Variants in EML4 observed in about 807,000 individuals in gnomAD.
EML4 encodes the protein echinoderm microtubule-associated protein-like 4.
A neutral mutation model predicts 129.0 loss-of-function variants in EML4; 72 were observed. The observed-to-expected ratio is 0.56, with a 90% CI of 0.46 to 0.68. The LOEUF (loss-of-function observed/expected upper bound fraction) is 0.68. EML4 is among the 30% of genes least tolerant of loss of function. The pLI is 0.00. For missense variants in EML4, 1,363 were observed against 1,190.6 expected (o/e 1.14, Z -2.13); for synonymous variants, 532 against 405.0 (o/e 1.31, Z -3.77).
intron 1 of EML4, among the ~76,000 whole-genome samples, chr2:42,188,375 C>A (rs1671386650): frequency 6.6e-6 from 1 of 152,054 alleles, no homozygotes; most frequent in African/African-American, 2.4e-5. Context: ...TGCACACCAC[C>A]ATGCCTGGCT....
chr2:42,176,495 A>G (rs532257178), intron 1 of EML4, among the ~76,000 whole-genome samples: 8 of 152,148 alleles, frequency 5.3e-5, no homozygotes, highest in South Asian at 2.1e-4. Context: ...ATCTCTTTCT[A>G]CTGTCTTACC....
At chr2:42,178,918 A>G (rs1558476842) in intron 1 of EML4, among the ~76,000 whole-genome samples, 1 of 152,198 alleles carries the variant, frequency 6.6e-6, no homozygotes, top group African/African-American at 2.4e-5. Context: ...CATTATAATA[A>G]AGATTTGTTT....
chr2:42,309,611 C>T (rs972452688), intron 17 of EML4, among the ~76,000 whole-genome samples: 3 of 152,026 alleles, frequency 2.0e-5, no homozygotes, highest in African/African-American at 7.2e-5. Flanking sequence ...AGTAGTTTTT[C>T]ATTATGCTTT....
chr2:42,236,820 G>T (rs1197970462), intron 1 of EML4, among the ~76,000 whole-genome samples: 3 of 152,064 alleles, frequency 2.0e-5, no homozygotes, highest in African/African-American at 7.2e-5. Context: ...TGGGAACACT[G>T]TATGTTGTCA....
chr2:42,187,649 A>G (rs553581761), intron 1 of EML4, among the ~76,000 whole-genome samples: 21 of 150,494 alleles, frequency 1.4e-4, no homozygotes, highest in African/African-American at 5.1e-4. Flanking sequence ...TTCTCTATGA[A>G]TTCTCCTATT....
At chr2:42,256,699 T>C (rs1676177096) in intron 3 of EML4, 69 bp downstream of exon 3, 3 of 1,564,316 alleles carry the variant, frequency 1.9e-6, no homozygotes, top group Non-Finnish European at 2.6e-6. Flanking sequence ...GATCTCCCTT[T>C]AGAAAGAATA....
At chr2:42,286,432 A>G in intron 10 of EML4, 53 bp downstream of exon 10, 1 of 1,116,276 alleles carries the variant, frequency 9.0e-7, no homozygotes, top group Non-Finnish European at 1.4e-6. Flanking sequence ...AGCAGGAAAG[A>G]AGTTAAGCTC....
chr2:42,223,703 T>C (rs1558516425), intron 1 of EML4, among the ~76,000 whole-genome samples: 1 of 152,168 alleles, frequency 6.6e-6, no homozygotes, highest in Non-Finnish European at 1.5e-5. Context: ...CACATCTAGA[T>C]ACTGTAAGAA....
chr2:42,233,008 C>T (rs752016802), intron 1 of EML4, among the ~76,000 whole-genome samples: 5 of 152,170 alleles, frequency 3.3e-5, no homozygotes, highest in African/African-American at 7.2e-5. Flanking sequence ...AGGTGTGAGC[C>T]GCTGTGCCTG....
At chr2:42,277,741 G>T (rs990416374) in intron 6 of EML4, among the ~76,000 whole-genome samples, 6 of 152,022 alleles carry the variant, frequency 3.9e-5, no homozygotes, top group African/African-American at 1.4e-4. Context: ...GCTAAATTTT[G>T]TATTTTTAGT....
At chr2:42,316,163 A>C in intron 18 of EML4, 113 bp downstream of exon 18, 2 of 652,742 alleles carry the variant, frequency 3.1e-6, no homozygotes, top group East Asian at 5.6e-5. Context: ...AGAGTTGTTA[A>C]GTATTAAATC....
rs1426745643 is a variant in EML4, at chr2:42,263,223, A to G, written c.558A>G (p.Glu186=). ...SPAEKSHNSW[E]NSDDSRNKLS... The stretch of plus-strand genomic sequence containing the variant: ...CTGAAAAGTCACATAATTCTTGGGA[A>G]AATTCAGATGATAGCCGTAATAAAT... Residue 186 remains glutamate (E), a synonymous_variant, in exon 5 of 23, where the codon GAA becomes GAG. Transcript: ENST00000318522. 1.9e-6 allele frequency: 3 copies of G among 1,613,094 alleles called. No homozygotes were observed. Among genetic ancestry groups the G allele is most frequent in the Non-Finnish European group, 8.5e-7 (1 of 1,179,644 alleles).
At chr2:42,239,226 A>T (rs751210160) in intron 1 of EML4, among the ~76,000 whole-genome samples, 23 of 152,258 alleles carry the variant, frequency 1.5e-4, no homozygotes, top group Non-Finnish European at 2.4e-4. Context: ...ATTCTGTTTT[A>T]GAAAGATATA....
At chr2:42,211,753 T>G (rs1672898734) in intron 1 of EML4, among the ~76,000 whole-genome samples, 1 of 152,166 alleles carries the variant, frequency 6.6e-6, no homozygotes, top group African/African-American at 2.4e-5. Context: ...GGGTAAAATT[T>G]ACCCCTTGTC....
intron 16 of EML4, among the ~76,000 whole-genome samples, chr2:42,304,239 C>T (rs561609307): frequency 6.6e-6 from 1 of 152,074 alleles, no homozygotes; most frequent in African/African-American, 2.4e-5. Context: ...TGTTATTATC[C>T]TTATTATTGT....
intron 1 of EML4, among the ~76,000 whole-genome samples, chr2:42,173,240 A>T (rs1264092902): frequency 6.6e-6 from 1 of 152,210 alleles, no homozygotes; most frequent in Non-Finnish European, 1.5e-5. Context: ...TATGATTTTC[A>T]CATATTAATC....
chr2:42,198,226 C>G (rs983792432), intron 1 of EML4, among the ~76,000 whole-genome samples: 2 of 150,834 alleles, frequency 1.3e-5, no homozygotes, highest in South Asian at 2.1e-4. Context: ...TTTTTTTTTT[C>G]TTTTTTGGTT....
chr2:42,241,598 C>A (rs368831321), intron 1 of EML4, among the ~76,000 whole-genome samples: 2 of 152,130 alleles, frequency 1.3e-5, no homozygotes, highest in Non-Finnish European at 2.9e-5. Flanking sequence ...TTTCACACAG[C>A]GACCAAAATG....
At chr2:42,279,373 G>C (rs1666871968) in intron 6 of EML4, among the ~76,000 whole-genome samples, 1 of 151,906 alleles carries the variant, frequency 6.6e-6, no homozygotes, top group Non-Finnish European at 1.5e-5. Context: ...CCTTCATCCT[G>C]CTTTCCATAG....
Sources: allele counts gnomAD v4.1 joint callset (sites outside exome capture counted in the v4.1 genomes callset), GRCh38; gene constraint gnomAD v4.1.1; transcripts MANE v1.5; gene names NCBI Gene and HGNC (gene_info 2026-07-23, HGNC 2026-07-21).